Variants in STRA6 observed in about 807,000 individuals in gnomAD.
STRA6 encodes the protein signaling receptor and transporter of retinol STRA6.
A neutral mutation model predicts 83.6 loss-of-function variants in STRA6; 48 were observed. That is an observed-to-expected ratio of 0.57 (90% confidence interval 0.46 to 0.73). The LOEUF is 0.73. Ranked by LOEUF, STRA6 falls within the 30% of genes least tolerant of loss-of-function variation. STRA6 has a pLI of 0.00. For missense variants in STRA6, 760 were observed against 838.8 expected (o/e 0.91, Z 1.16); for synonymous variants, 353 against 362.3 (o/e 0.97, Z 0.29).
upstream of STRA6, chr15:74,209,137 C>T (rs2074328184): frequency 3.8e-6 from 5 of 1,303,458 alleles, no homozygotes; most frequent in Admixed American, 6.6e-5. Flanking sequence ...ACCCACCCCA[C>T]CCCCATCTCC....
chr15:74,207,142 G>T (rs530647320), upstream of STRA6, among the ~76,000 whole-genome samples: 1 of 152,172 alleles, frequency 6.6e-6, no homozygotes, highest in African/African-American at 2.4e-5. Context: ...GCATCCAGGA[G>T]CAGAGGCCCA....
At chr15:74,207,385 A>G (rs972563169), upstream of STRA6, among the ~76,000 whole-genome samples, 3 of 152,160 alleles carry the variant, frequency 2.0e-5, no homozygotes, top group South Asian at 4.1e-4. Flanking sequence ...ATTGCCCCCA[A>G]GAAGCCCCAG....
At chr15:74,207,707 C>T, upstream of STRA6, 2 of 1,535,750 alleles carry the variant, frequency 1.3e-6, no homozygotes, top group Non-Finnish European at 8.7e-7. Flanking sequence ...CTGTGCAGCC[C>T]AGTCCCCTTG....
Position 74,179,927 on chromosome 15 carries a change from G to A in STRA6, c.*153C>T. 1 of 1,037,510 alleles carries A rather than the reference G, an allele frequency of 9.6e-7. No individual in the cohort carries two copies. Among genetic ancestry groups the A allele is most frequent in the Non-Finnish European group, 1.4e-6 (1 of 704,386 alleles). The allele number at this position is 1,037,510 out of a possible 1,614,324, so 64.3% of individuals were successfully genotyped here. The stretch of plus-strand genomic sequence containing the variant: ...GAGCAGAGCCCTCCTGAGGCTCCCA[G>A]TGCAGACAGACCTCCACCCAACCAC... On this transcript the variant is annotated 3_prime_UTR_variant, in exon 19 of 19. Transcript: ENST00000395105.
rs973945562 is a variant in STRA6 at position 74,183,863 on chromosome 15, G to A, written c.1293C>T (p.Ile431=). 5.0e-6 allele frequency: 8 copies of A among 1,613,928 alleles called. No individual in the cohort carries two copies. The East Asian group carries it at 6.7e-5, about 13-fold the overall frequency. ...MSFSAYQTAF[I]CLGLLVQQII... Reference sequence around the variant, plus strand: ...CGGGCAAGGGAGGCTCACCAAGGCAGATAAAGGCTGTCTGGTAGGCACTGA... The same window carrying A: ...CGGGCAAGGGAGGCTCACCAAGGCAAATAAAGGCTGTCTGGTAGGCACTGA... The change falls in exon 14 of 19, where the codon ATC becomes ATT. Residue 431 remains isoleucine, a synonymous_variant. Coordinates refer to ENST00000395105, the MANE Select transcript of STRA6 (RefSeq NM_022369.4).
upstream of STRA6, among the ~76,000 whole-genome samples, chr15:74,210,700 G>A (rs1435515883): frequency 6.6e-6 from 1 of 152,246 alleles, no homozygotes; most frequent in African/African-American, 2.4e-5. Context: ...ACTGAGCTGT[G>A]TGAATTTGAT....
At position 74,195,472 on chromosome 15, in the gene STRA6, G is replaced by A; in HGVS notation, c.431-4C>T. On this transcript the variant is annotated splice_region_variant and splice_polypyrimidine_tract_variant and intron_variant, in intron 6 of 18. Coordinates refer to ENST00000395105, the MANE Select transcript of STRA6 (RefSeq NM_022369.4). ...AGTCCCAGTATCTTCCAGGCCCCTG[G>A]AAGGTGAAACAAGCAGAGAGACCCA... 2 of 1,612,792 alleles carry A rather than the reference G, an allele frequency of 1.2e-6. No homozygotes were observed. Among genetic ancestry groups the A allele is most frequent in the Non-Finnish European group, 1.7e-6 (2 of 1,179,716 alleles).
rs1035510476 is a variant in STRA6 at position 74,197,991 on chromosome 15, C to T, written c.114-173G>A. 4.3e-6 allele frequency: 3 copies of T among 693,568 alleles called. No individual in the cohort carries two copies. The South Asian group carries it at 5.0e-5, about 12-fold the overall frequency. 43.0% of individuals were successfully genotyped at this position (693,568 alleles called of 1,614,324 possible). Reference sequence around the variant, plus strand: ...CACCTTCTCAGGGTCATTCTGGGGCCCTCGTGTCCCTGTGATGTGCCAGCC... The same window carrying T: ...CACCTTCTCAGGGTCATTCTGGGGCTCTCGTGTCCCTGTGATGTGCCAGCC... On this transcript the variant is annotated intron_variant, in intron 2 of 18. Coordinates refer to ENST00000395105, the MANE Select transcript of STRA6 (RefSeq NM_022369.4).
chr15:74,191,083 G>A, intron 10 of STRA6, 84 bp downstream of exon 10: 1 of 1,580,490 alleles, frequency 6.3e-7, no homozygotes, highest in Non-Finnish European at 8.6e-7. Flanking sequence ...CTGGGGAGCA[G>A]GAGCCAGTCC....
chr15:74,182,417 G>C lies in STRA6; in HGVS notation c.1344C>G (p.Ala448=). 6.2e-7 allele frequency: 1 copy of C among 1,612,614 alleles called. No homozygotes were observed. Among genetic ancestry groups the C allele is most frequent in the Non-Finnish European group, 8.5e-7 (1 of 1,179,270 alleles). ...QQIIFFLGTT[A]LAFLVLMPVL... is the part of the protein sequence containing the mutation. ...CAGGCATGAGCACCAGGAAGGCCAG[G>C]GCCGTGGTTCCCAGGAAGAAGATGA... The change falls in exon 15 of 19, where the codon GCC becomes GCG. Residue 448 remains alanine, a synonymous_variant. Coordinates refer to ENST00000395105, the MANE Select transcript of STRA6 (RefSeq NM_022369.4).
intron 11 of STRA6, among the ~76,000 whole-genome samples, chr15:74,189,781 A>G (rs2073442705): frequency 6.6e-6 from 1 of 151,200 alleles, no homozygotes; most frequent in Non-Finnish European, 1.5e-5. Context: ...CTCCTGCCTC[A>G]GCCTCCTGAG....
chr15:74,179,699 G>A lies in STRA6; in HGVS notation c.*381C>T, dbSNP rs544748271. The stretch of plus-strand genomic sequence containing the variant: ...GAAGTGCCTTGGCTGCTTCCACAGC[G>A]TGAAGGCCAAGGCTGAGGTGGAGCT... On this transcript the variant is annotated 3_prime_UTR_variant, in exon 19 of 19. Coordinates refer to ENST00000395105, the MANE Select transcript of STRA6 (RefSeq NM_022369.4). 1.0e-4 allele frequency: 20 copies of A among 200,012 alleles called. No individual in the cohort carries two copies. In the East Asian group the frequency reaches 2.2e-3, roughly 22 times the overall value. 12.4% of individuals were successfully genotyped at this position (200,012 alleles called of 1,614,324 possible).
At chr15:74,209,444 C>T (rs750020524), upstream of STRA6, 21 of 1,535,408 alleles carry the variant, frequency 1.4e-5, no homozygotes, top group Non-Finnish European at 1.6e-5. Context: ...TCTTAATAAC[C>T]GGATCTGCAT....
rs971755 is a variant in STRA6, at chr15:74,195,804, T to C, written c.407-129A>G. 158,820 of 919,702 alleles carry C rather than the reference T, an allele frequency of 0.17. 16,821 individuals carry two copies. Among genetic ancestry groups the C allele is most frequent in the Non-Finnish European group, 0.21 (128,732 of 608,508 alleles). The allele number at this position is 919,702 out of a possible 1,614,324, so 57.0% of individuals were successfully genotyped here. A position where few individuals can be genotyped will look rare whatever the true frequency, so the allele number is the denominator to read the frequency against. Reference sequence around the variant, plus strand: ...ACTTCCCTGGCTCTCAGTTCCTCCATTGCAAAATGGGGCTAATATGCATAC... The same window carrying C: ...ACTTCCCTGGCTCTCAGTTCCTCCACTGCAAAATGGGGCTAATATGCATAC... On this transcript the variant is annotated intron_variant, in intron 5 of 18. Transcript: ENST00000395105.
chr15:74,196,190 C>G (rs1260426214), intron 4 of STRA6, 43 bp from the exon 5 acceptor site: 1 of 1,609,492 alleles, frequency 6.2e-7, no homozygotes, highest in Non-Finnish European at 8.5e-7. Context: ...GTTGCTCAGC[C>G]CCTGCACCCC....
intron 14 of STRA6, chr15:74,183,635 G>T: frequency 7.0e-7 from 1 of 1,429,658 alleles, no homozygotes. Flanking sequence ...TCCATGTGGA[G>T]GGTACACACT....
Position 74,180,062 on chromosome 15 carries a change from G to A in STRA6, c.*18C>T. The A allele has an allele frequency of 6.2e-7, 1 of 1,610,006 alleles. No individual in the cohort carries two copies. Reference sequence around the variant, plus strand: ...ATGCCTCAGCACAGATGGGCAGGTGGGTTGACCTTCCCTGCCCTCAGGGCT... The same window carrying A: ...ATGCCTCAGCACAGATGGGCAGGTGAGTTGACCTTCCCTGCCCTCAGGGCT... On this transcript the variant is annotated 3_prime_UTR_variant, in exon 19 of 19. Transcript: ENST00000395105.
At chr15:74,201,900 C>T (rs1290300961) in intron 2 of STRA6, among the ~76,000 whole-genome samples, 1 of 152,184 alleles carries the variant, frequency 6.6e-6, no homozygotes, top group Non-Finnish European at 1.5e-5. Flanking sequence ...ATTTTTAACA[C>T]GTCACACATC....
intron 12 of STRA6, 35 bp downstream of exon 12, chr15:74,189,080 C>CA: frequency 6.2e-7 from 1 of 1,612,850 alleles, no homozygotes; most frequent in Non-Finnish European, 8.5e-7. Context: ...TTTCATTCCC[C>CA]ACTGCAGCCC....
Sources: allele counts gnomAD v4.1 joint callset (sites outside exome capture counted in the v4.1 genomes callset), GRCh38; gene constraint gnomAD v4.1.1; transcripts MANE v1.5; gene names NCBI Gene and HGNC (gene_info 2026-07-23, HGNC 2026-07-21).